The following CABP1 variants were observed in gnomAD, a reference collection of about 807,000 sequenced individuals.
CABP1 encodes the protein calcium-binding protein 1.
Under a neutral mutation model 34.3 loss-of-function variants are expected in CABP1, and 17 were observed. The observed-to-expected ratio is 0.50, with a 90% CI of 0.34 to 0.74. The LOEUF (loss-of-function observed/expected upper bound fraction) is 0.74. Among genes scored for constraint, CABP1 ranks in the 30% least tolerant of loss-of-function variants. The probability of loss-of-function intolerance (pLI) is 0.01; values close to 1 mark genes in which losing one functional copy is unlikely to be tolerated. For missense variants in CABP1, 373 were observed against 511.1 expected, an observed-to-expected ratio of 0.73 and a Z score of 2.61; for synonymous variants, 198 against 229.2, an observed-to-expected ratio of 0.86 and a Z score of 1.23.
At chr12:120,676,153 C>T in the CABP1 span, among the ~76,000 whole-genome samples, 1 of 152,168 alleles carries the variant, frequency 6.6e-6, no homozygotes, top group South Asian at 2.1e-4. Context: ...ATGGTAGCCA[C>T]TAGCCATATG....
chr12:120,656,359 G>T, intron 1 of CABP1: 1 of 1,275,988 alleles, frequency 7.8e-7, no homozygotes, highest in South Asian at 1.8e-5. Flanking sequence ...TCTATACAGA[G>T]CTCACACCCC....
chr12:120,657,868 C>T (rs949086541), intron 1 of CABP1, among the ~76,000 whole-genome samples: 2 of 152,158 alleles, frequency 1.3e-5, no homozygotes, highest in African/African-American at 4.8e-5. Flanking sequence ...TGCTTAAGGC[C>T]TGATGCGTGG....
At chr12:120,642,995 G>GAAAAAAAAAAAAAAA (rs55874841) in intron 1 of CABP1, among the ~76,000 whole-genome samples, 3 of 69,498 alleles carry the variant, frequency 4.3e-5, no homozygotes, top group African/African-American at 7.6e-5. Flanking sequence ...CTCAGCTCCT[G>GAAAAAAAAAAAAAAA]AAAAAAAAAA....
At chr12:120,668,469 A>G (rs146307097), downstream of CABP1, among the ~76,000 whole-genome samples, 805 of 152,302 alleles carry the variant, frequency 5.3e-3, 8 homozygotes, top group African/African-American at 0.018. Context: ...GTCTAAAAAA[A>G]GAAAGAAATA....
chr12:120,665,252 G>A (rs757152545), intron 5 of CABP1, among the ~76,000 whole-genome samples: 9 of 151,620 alleles, frequency 5.9e-5, no homozygotes, highest in Admixed American at 2.0e-4. Context: ...GTGAAACCCC[G>A]TCTCTACTAA....
Position 120,655,604 on chromosome 12 carries a change from G to A in CABP1, c.655-4274G>A. The stretch of plus-strand genomic sequence containing the variant: ...GATTGCCCTCACTGCCTTCCAGCGG[G>A]GATCTGGCTGGAGTAGGACAAGTCT... On this transcript the variant is annotated intron_variant, in intron 1 of 5. Transcript: ENST00000316803. 1.4e-5 allele frequency: 18 copies of A among 1,328,834 alleles called. No individual in the cohort carries two copies. The South Asian group carries it at 2.5e-4, about 18-fold the overall frequency. 82.3% of individuals were successfully genotyped at this position (1,328,834 alleles called of 1,614,324 possible). A position where few individuals can be genotyped will look rare whatever the true frequency, so the allele number is the denominator to read the frequency against.
chr12:120,646,407 G>C (rs1424716806), intron 1 of CABP1, among the ~76,000 whole-genome samples: 3 of 152,182 alleles, frequency 2.0e-5, no homozygotes, highest in Admixed American at 2.0e-4. Context: ...TCAAAGTAGG[G>C]CTTCCGGAGG....
At chr12:120,650,644 A>G in intron 1 of CABP1, 2 of 1,614,068 alleles carry the variant, frequency 1.2e-6, no homozygotes. Context: ...TAGGATGGGC[A>G]ACTGTGTCAA....
Position 120,640,812 on chromosome 12 carries a change from A to G in CABP1, c.127A>G (p.Thr43Ala), listed in dbSNP as rs1015482733. The G allele has an allele frequency of 9.2e-7, 1 of 1,088,678 alleles. No individual in the cohort carries two copies. The highest frequency in any genetic ancestry group is 1.1e-6 in the Non-Finnish European group (1 of 898,524). 67.4% of individuals were successfully genotyped at this position (1,088,678 alleles called of 1,614,324 possible). ...CGCCGGGGGCCCCGCGCCGCGCCGCACCGCGCCGCCCCCGCCGGGCCATGC... is the reference window on the plus strand; with the variant it reads ...CGCCGGGGGCCCCGCGCCGCGCCGCGCCGCGCCGCCCCCGCCGGGCCATGC... ...LPAGGPAPRR[T>A]APPPPGHASA... is the part of the protein sequence containing the mutation. Residue 43 changes from threonine (T) to alanine (A), a missense_variant, in exon 1 of 6, where the codon ACC becomes GCC. Coordinates refer to ENST00000316803, the MANE Select transcript of CABP1 (RefSeq NM_001033677.2). The surrounding 1 kb of genome is among the most constrained non-coding windows in gnomAD (Gnocchi z 6.2).
chr12:120,670,923 C>G (rs1224515730), downstream of CABP1, among the ~76,000 whole-genome samples: 2 of 152,166 alleles, frequency 1.3e-5, no homozygotes, highest in Non-Finnish European at 2.9e-5. Context: ...TCAAGGAGTT[C>G]AGACTCTAGC....
chr12:120,678,474 C>A, the CABP1 span, among the ~76,000 whole-genome samples: 2 of 152,156 alleles, frequency 1.3e-5, no homozygotes, highest in South Asian at 4.1e-4. Context: ...ATCAGATTGC[C>A]AGCGGTACCT....
Position 120,640,816 on chromosome 12 carries a change from C to T in CABP1, c.131C>T (p.Ala44Val). ...PAGGPAPRRT[A>V]PPPPGHASAG... ...GGGGGCCCCGCGCCGCGCCGCACCG[C>T]GCCGCCCCCGCCGGGCCATGCGAGC... Residue 44 changes from alanine (A) to valine (V), a missense_variant, in exon 1 of 6, where the codon GCG (alanine) becomes GTG (valine). Physicochemically the swap from Ala to Val is moderately conservative, Grantham distance 64. Coordinates refer to ENST00000316803, the MANE Select transcript of CABP1 (RefSeq NM_001033677.2). This position sits in a 1 kb window ranked among gnomAD's most constrained non-coding sequence, Gnocchi z 6.2. The T allele has an allele frequency of 9.2e-7, 1 of 1,082,552 alleles. No homozygotes were observed. The highest frequency in any genetic ancestry group is 4.3e-5 in the South Asian group (1 of 23,028). 67.1% of individuals were successfully genotyped at this position (1,082,552 alleles called of 1,614,324 possible).
intron 5 of CABP1, 131 bp from the exon 6 acceptor site, chr12:120,666,744 T>C (rs1881015836): frequency 1.0e-6 from 1 of 957,952 alleles, no homozygotes; most frequent in African/African-American, 1.6e-5. Context: ...TGTCCATGGA[T>C]TGGAGAGGGC....
intron 1 of CABP1, among the ~76,000 whole-genome samples, chr12:120,653,863 C>T (rs1420955964): frequency 2.0e-5 from 3 of 152,234 alleles, no homozygotes; most frequent in Admixed American, 2.0e-4. Flanking sequence ...CACCTGCTAC[C>T]TCCCTGCCTT....
At chr12:120,678,459 T>C in the CABP1 span, among the ~76,000 whole-genome samples, 795 of 152,340 alleles carry the variant, frequency 5.2e-3, 7 homozygotes, top group African/African-American at 0.018. Flanking sequence ...AGGTCTTTTC[T>C]ATTTATCAGA....
At chr12:120,663,269 T>C (rs1224779890) in intron 5 of CABP1, among the ~76,000 whole-genome samples, 1 of 151,832 alleles carries the variant, frequency 6.6e-6, no homozygotes, top group Non-Finnish European at 1.5e-5. Context: ...AGGTTATTTA[T>C]TTATTTATTT....
chr12:120,676,530 C>T, the CABP1 span, among the ~76,000 whole-genome samples: 41 of 152,074 alleles, frequency 2.7e-4, no homozygotes, highest in African/African-American at 8.4e-4. Context: ...CGGGTTGAAG[C>T]GATTCTCTTG....
intron 1 of CABP1, chr12:120,656,133 C>T (rs767261846): frequency 3.3e-5 from 53 of 1,614,042 alleles, no homozygotes; most frequent in South Asian, 2.7e-4. Context: ...GTGGTGCAGA[C>T]GAGCGAGGAG....
At chr12:120,646,267 G>GGCTGGTGATAGTTCAAAT (rs1342199879) in intron 1 of CABP1, among the ~76,000 whole-genome samples, 6 of 152,138 alleles carry the variant, frequency 3.9e-5, no homozygotes, top group African/African-American at 1.2e-4. Context: ...CAAGTTCAAA[G>GGCTGGTGATAGTTCAAAT]GCTGGTGATA....
Sources: allele counts gnomAD v4.1 joint callset (sites outside exome capture counted in the v4.1 genomes callset), GRCh38; gene constraint gnomAD v4.1.1; non-coding constraint Gnocchi (gnomAD v3.1); transcripts MANE v1.5; gene names NCBI Gene and HGNC (gene_info 2026-07-23, HGNC 2026-07-21).